STAG1: variants seen among roughly 807,000 people sequenced by gnomAD.
STAG1 encodes the protein cohesin subunit SA-1.
STAG1 carries 26 observed loss-of-function variants against 170.9 expected under a neutral mutation model. That is an observed-to-expected ratio of 0.15 (90% CI 0.11 to 0.21). The LOEUF is 0.21. STAG1 is among the 10% of genes least tolerant of loss of function. STAG1 has a pLI of 1.00. For missense variants in STAG1, 964 were observed against 1,509.5 expected (o/e 0.64, Z 5.99); for synonymous variants, 514 against 497.7 (o/e 1.03, Z -0.44).
chr3:136,449,661 C>T (rs1422440253), intron 14 of STAG1, among the ~76,000 whole-genome samples: 1 of 151,856 alleles, frequency 6.6e-6, no homozygotes, highest in African/African-American at 2.4e-5. Flanking sequence ...CACAGGAATA[C>T]AGTAAGACCA....
intron 1 of STAG1, among the ~76,000 whole-genome samples, chr3:136,695,988 T>C (rs1049555243): frequency 6.6e-6 from 1 of 152,096 alleles, no homozygotes; most frequent in Non-Finnish European, 1.5e-5. Context: ...GACATTTTAT[T>C]TGGGAATATA....
Position 136,493,855 on chromosome 3 carries a change from A to C in STAG1, c.902+6368T>G, listed in dbSNP as rs11717791. ...TAAATAAGGGGGCTGACAACCCCCC[A>C]AAAATTAAAACAACTACAAAATATT... On this transcript the variant is annotated intron_variant, in intron 9 of 33. Coordinates refer to ENST00000383202, the MANE Select transcript of STAG1 (RefSeq NM_005862.3). Among the ~76,000 whole-genome samples, 1,501 of 152,262 alleles carry C rather than the reference A, an allele frequency of 9.9e-3. 11 individuals are homozygous for C. Among genetic ancestry groups the C allele is most frequent in the Non-Finnish European group, 0.018 (1,196 of 68,010 alleles).
At chr3:136,478,250 T>G (rs1053373529) in intron 9 of STAG1, among the ~76,000 whole-genome samples, 8 of 152,204 alleles carry the variant, frequency 5.3e-5, no homozygotes, top group Admixed American at 3.9e-4. Context: ...GTGACAATAC[T>G]GCGAAGTCAT....
intron 1 of STAG1, among the ~76,000 whole-genome samples, chr3:136,708,248 A>G (rs1287288121): frequency 1.3e-5 from 2 of 152,212 alleles, no homozygotes; most frequent in Non-Finnish European, 2.9e-5. Flanking sequence ...CAACAAATGA[A>G]CTAAGAAATA....
intron 16 of STAG1, among the ~76,000 whole-genome samples, chr3:136,423,912 G>A (rs1011262957): frequency 6.6e-6 from 1 of 151,094 alleles, no homozygotes; most frequent in African/African-American, 2.4e-5. Context: ...CACCCAGGCT[G>A]GAGTGCAGTG....
chr3:136,689,356 A>T (rs950213462), intron 1 of STAG1, among the ~76,000 whole-genome samples: 1 of 152,236 alleles, frequency 6.6e-6, no homozygotes, highest in Non-Finnish European at 1.5e-5. Context: ...ACTCAGAATA[A>T]ATGGCATAAT....
intron 29 of STAG1, among the ~76,000 whole-genome samples, chr3:136,346,825 G>A (rs1009138489): frequency 6.6e-6 from 1 of 152,186 alleles, no homozygotes; most frequent in Non-Finnish European, 1.5e-5. Flanking sequence ...ATGGCTAGGC[G>A]CAATGGCTCA....
intron 1 of STAG1, among the ~76,000 whole-genome samples, chr3:136,641,918 G>C (rs1940813777): frequency 6.6e-6 from 1 of 152,072 alleles, no homozygotes; most frequent in African/African-American, 2.4e-5. Context: ...TATTTCAGGA[G>C]AGAAGGAATA....
chr3:136,410,553 C>A (rs2087597980), intron 21 of STAG1, among the ~76,000 whole-genome samples: 1 of 152,208 alleles, frequency 6.6e-6, no homozygotes, highest in African/African-American at 2.4e-5. Flanking sequence ...GGGTGCGCCA[C>A]TGCTATGTGA....
At chr3:136,503,158 T>C (rs2107868100) in intron 7 of STAG1, among the ~76,000 whole-genome samples, 1 of 152,220 alleles carries the variant, frequency 6.6e-6, no homozygotes, top group East Asian at 1.9e-4. Context: ...AATGCATCCT[T>C]AGTACCTTTA....
chr3:136,437,736 A>C (rs935806040), intron 15 of STAG1, among the ~76,000 whole-genome samples: 9 of 152,110 alleles, frequency 5.9e-5, no homozygotes, highest in African/African-American at 1.7e-4. Flanking sequence ...GGGCTTGCAA[A>C]GGTTATAATT....
At chr3:136,407,721 CAA>C (rs1485605766) in intron 21 of STAG1, among the ~76,000 whole-genome samples, 1 of 152,162 alleles carries the variant, frequency 6.6e-6, no homozygotes, top group Admixed American at 6.5e-5. Context: ...CTCAGCCTCC[CAA>C]AGTGTTGGGA....
chr3:136,368,950 T>TA (rs1358761341), intron 24 of STAG1, among the ~76,000 whole-genome samples, 158 bp downstream of exon 24: 2 of 152,146 alleles, frequency 1.3e-5, no homozygotes, highest in African/African-American at 4.8e-5. Flanking sequence ...CTCAGTCTCC[T>TA]AAAGTGCTAG....
chr3:136,363,660 G>T (rs911920559), intron 25 of STAG1, among the ~76,000 whole-genome samples, 193 bp from the exon 26 acceptor site: 1 of 151,776 alleles, frequency 6.6e-6, no homozygotes, highest in African/African-American at 2.4e-5. Flanking sequence ...AATAACTAAA[G>T]TTACAGGAAT....
intron 1 of STAG1, among the ~76,000 whole-genome samples, chr3:136,678,008 T>C (rs1008085013): frequency 2.0e-5 from 3 of 148,766 alleles, no homozygotes; most frequent in East Asian, 1.9e-4. Context: ...ATATGACTTC[T>C]GAAGAAATTT....
At chr3:136,527,117 T>G (rs1173385558) in intron 6 of STAG1, among the ~76,000 whole-genome samples, 1 of 152,192 alleles carries the variant, frequency 6.6e-6, no homozygotes, top group Non-Finnish European at 1.5e-5. Flanking sequence ...TTCTCTGTAT[T>G]TCCTGAATTT....
Position 136,578,653 on chromosome 3 carries a change from AT to A in STAG1, c.298-9793del, listed in dbSNP as rs574960258. ...AAGGAAATATCCAGACCTTTCATGTATTAATAGACACTGTCTCTGAATTGAC... is the reference window on the plus strand; with the variant it reads ...AAGGAAATATCCAGACCTTTCATGTATAATAGACACTGTCTCTGAATTGAC... On this transcript the variant is annotated intron_variant, in intron 4 of 33. Transcript: ENST00000383202. 5.3e-4 allele frequency among the ~76,000 whole-genome samples: 80 copies of A among 152,342 alleles called. 1 individual carries two copies. The highest frequency in any genetic ancestry group is 1.9e-3 in the African/African-American group (79 of 41,582).
At chr3:136,459,023 T>A (rs887935779) in intron 13 of STAG1, among the ~76,000 whole-genome samples, 3 of 151,932 alleles carry the variant, frequency 2.0e-5, no homozygotes, top group African/African-American at 7.3e-5. Context: ...ATGGAGACCA[T>A]CCTGGCCAAC....
intron 1 of STAG1, among the ~76,000 whole-genome samples, chr3:136,706,777 T>C (rs1943237793): frequency 6.6e-6 from 1 of 152,054 alleles, no homozygotes; most frequent in Non-Finnish European, 1.5e-5. Context: ...AAAAGCACAA[T>C]AAAATTTGAG....
Sources: allele counts gnomAD v4.1 joint callset (sites outside exome capture counted in the v4.1 genomes callset), GRCh38; gene constraint gnomAD v4.1.1; transcripts MANE v1.5; gene names NCBI Gene and HGNC (gene_info 2026-07-23, HGNC 2026-07-21).